GBP4: variants seen among roughly 807,000 people sequenced by gnomAD.
The protein encoded by GBP4 is guanylate binding protein 4, also known as guanylate-binding protein 4.
GBP4 carries 69 observed loss-of-function variants against 62.2 expected under a neutral mutation model. That is an observed-to-expected ratio of 1.11 (90% CI 0.91 to 1.36). The LOEUF is 1.36. GBP4 is among the 40% of genes most tolerant of loss of function. The pLI, the probability that GBP4 is intolerant of heterozygous loss-of-function variation, is 0.00. For missense variants in GBP4, 697 were observed against 759.3 expected (o/e 0.92, Z 0.96); for synonymous variants, 278 against 274.6 (o/e 1.01, Z -0.12).
chr1:89,197,127 A>G lies in GBP4; in HGVS notation c.218T>C (p.Leu73Pro). ...RTGKSYLMNRLAGKRNGFPLG... is the reference protein window; with the variant it reads ...RTGKSYLMNRPAGKRNGFPLG... ...ACACTCACCATTGCGCTTTCCTGCAAGACGATTCATGAGATAGGATTTTCC... is the reference window on the plus strand; with the variant it reads ...ACACTCACCATTGCGCTTTCCTGCAGGACGATTCATGAGATAGGATTTTCC... The change falls in exon 2 of 11, where the codon CTT (leucine) becomes CCT (proline). Residue 73 changes from leucine to proline, a missense_variant. Transcript: ENST00000355754. 1 of 1,613,118 alleles carries G rather than the reference A, an allele frequency of 6.2e-7. No homozygotes were observed. The highest frequency in any genetic ancestry group is 8.5e-7 in the Non-Finnish European group (1 of 1,179,358).
rs763765320 is a variant in GBP4 at position 89,188,681 on chromosome 1, CA to C, written c.1310del (p.Leu437Ter). ...RLSEHLTESILRGIFSVPGGH... is the reference protein window; with the variant it reads ...RLSEHLTESIXRGIFSVPGGH... Reference sequence around the variant, plus strand: ...CTCCAGGAACAGAGAAAATTCCTCTCAAAATGCTTTCTGTCAGGTGCTCTGA... The same window carrying C: ...CTCCAGGAACAGAGAAAATTCCTCTCAAATGCTTTCTGTCAGGTGCTCTGA... On this transcript the variant is annotated frameshift_variant, in exon 8 of 11. Transcript: ENST00000355754. LOFTEE classifies it high-confidence loss of function. 1.2e-5 allele frequency: 19 copies of C among 1,614,204 alleles called. No homozygotes were observed. The highest frequency in any genetic ancestry group is 1.5e-5 in the Non-Finnish European group (18 of 1,180,042).
chr1:89,197,360 G>A, intron 1 of GBP4, 56 bp from the exon 2 acceptor site: 1 of 1,491,794 alleles, frequency 6.7e-7, no homozygotes, highest in Non-Finnish European at 9.2e-7. Flanking sequence ...TCATCCCTAA[G>A]GGCTACCTAA....
At chr1:89,193,974 G>A (rs1648260366) in intron 3 of GBP4, among the ~76,000 whole-genome samples, 1 of 152,170 alleles carries the variant, frequency 6.6e-6, no homozygotes, top group Non-Finnish European at 1.5e-5. Context: ...GGGAGGGGGA[G>A]GCACATAAAT....
rs144333151 is a variant in GBP4, at chr1:89,193,377, C to T, written c.399G>A (p.Leu133=). The change falls in exon 4 of 11, where the codon CTG becomes CTA. Residue 133 remains leucine (L), a synonymous_variant. Coordinates refer to ENST00000355754, the MANE Select transcript of GBP4 (RefSeq NM_052941.5). ...CAAAGCTGCTGCTTAGAAGCACAGC[C>T]AGGGCAAAGATCCACGAGTCATTCT... is the stretch of plus-strand genomic sequence containing the variant. The part of the protein sequence containing the change: ...NPKNDSWIFA[L]AVLLSSSFVY... The T allele has an allele frequency of 8.4e-5, 135 of 1,614,074 alleles. No individual in the cohort carries two copies. The African/African-American group carries it at 1.6e-3, about 19-fold the overall frequency.
chr1:89,183,803 C>T lies in GBP4; in HGVS notation c.*1451G>A, dbSNP rs1647956022. ...GTTGAGGTGAAAGGACTGCTTGAGC[C>T]TGGGAGGTTGAGGCTACAATGACCC... is the stretch of plus-strand genomic sequence containing the variant. On this transcript the variant is annotated 3_prime_UTR_variant, in exon 11 of 11. Coordinates refer to ENST00000355754, the MANE Select transcript of GBP4 (RefSeq NM_052941.5). The T allele has an allele frequency of 6.6e-6, 1 of 152,262 alleles. No individual in the cohort carries two copies. Among genetic ancestry groups the T allele is most frequent in the South Asian group, 2.1e-4 (1 of 4,830 alleles). The allele number at this position is 152,262 out of a possible 1,614,324, so 9.4% of individuals were successfully genotyped here.
chr1:89,191,599 TC>T, intron 5 of GBP4, 93 bp from the exon 6 acceptor site: 1 of 1,233,862 alleles, frequency 8.1e-7, no homozygotes, highest in Non-Finnish European at 1.1e-6. Context: ...TCCCTGCAGC[TC>T]CCCTGCCTTG....
chr1:89,190,373 G>C lies in GBP4; in HGVS notation c.917-55C>G, dbSNP rs560707763. On this transcript the variant is annotated intron_variant, in intron 6 of 10. Coordinates refer to ENST00000355754, the MANE Select transcript of GBP4 (RefSeq NM_052941.5). ...CAGTTCTTACTCATTATTTATACAA[G>C]TTTTAAGAGTCAGCATTCTAAAAAT... 77 of 1,435,668 alleles carry C rather than the reference G, an allele frequency of 5.4e-5. 1 individual carries two copies. The South Asian group carries it at 5.7e-4, about 11-fold the overall frequency. The allele number at this position is 1,435,668 out of a possible 1,614,324, so 88.9% of individuals were successfully genotyped here.
At chr1:89,194,757 T>C (rs1174753730) in intron 3 of GBP4, among the ~76,000 whole-genome samples, 1 of 152,192 alleles carries the variant, frequency 6.6e-6, no homozygotes, top group African/African-American at 2.4e-5. Context: ...AAAATGTTAG[T>C]GATAAAATTA....
chr1:89,185,667 A>G (rs1173240411), intron 10 of GBP4, among the ~76,000 whole-genome samples, 198 bp from the exon 11 acceptor site: 1 of 152,232 alleles, frequency 6.6e-6, no homozygotes. Flanking sequence ...CTTTTGTGAC[A>G]TTCCCTAAGC....
rs1647969406 is a variant in GBP4, at chr1:89,184,299, A to G, written c.*955T>C. On this transcript the variant is annotated 3_prime_UTR_variant, in exon 11 of 11. Coordinates refer to ENST00000355754, the MANE Select transcript of GBP4 (RefSeq NM_052941.5). The stretch of plus-strand genomic sequence containing the variant: ...AAGCAGGTTGGTGATTCCTCAAAGA[A>G]CTCAGAATTACCATTCAACTCAGCA... 1 of 152,152 alleles carries G rather than the reference A, an allele frequency of 6.6e-6. No individual in the cohort carries two copies. Among genetic ancestry groups the G allele is most frequent in the Admixed American group, 6.5e-5 (1 of 15,280 alleles). 9.4% of individuals were successfully genotyped at this position (152,152 alleles called of 1,614,324 possible).
chr1:89,188,478 G>T (rs1312166615), intron 8 of GBP4, 104 bp downstream of exon 8: 2 of 893,172 alleles, frequency 2.2e-6, no homozygotes, highest in Non-Finnish European at 3.6e-6. Flanking sequence ...ATCATGTTCT[G>T]CTTCCTCTCC....
At chr1:89,191,643 C>T (rs1212818962) in intron 5 of GBP4, 137 bp from the exon 6 acceptor site, 1 of 865,800 alleles carries the variant, frequency 1.2e-6, no homozygotes, top group African/African-American at 1.7e-5. Context: ...TACAAAACAG[C>T]CTTGTGCTAA....
At position 89,186,338 on chromosome 1, in the gene GBP4, G is replaced by A. The variant is rs1035583714; in HGVS notation, c.1702C>T (p.Leu568=). 2.5e-6 allele frequency: 4 copies of A among 1,612,652 alleles called. No homozygotes were observed. In the African/African-American group the frequency reaches 5.3e-5, roughly 22 times the overall value. Reference sequence around the variant, plus strand: ...CATTCTTCACGGAGACTCACCTTCAGCTTGTGTTTTAGCAGCCTTTCATGC... The same window carrying A: ...CATTCTTCACGGAGACTCACCTTCAACTTGTGTTTTAGCAGCCTTTCATGC... ...REHERLLKHK[L]KVQEEMLKEE... is the part of the protein sequence containing the mutation. The change falls in exon 10 of 11, where the codon CTG becomes TTG. Residue 568 remains leucine, a synonymous_variant. Transcript: ENST00000355754.
At chr1:89,194,779 A>C (rs1484967607) in intron 3 of GBP4, among the ~76,000 whole-genome samples, 6 of 152,210 alleles carry the variant, frequency 3.9e-5, no homozygotes, top group Admixed American at 3.3e-4. Flanking sequence ...TGCTTTTCTG[A>C]AAACTACTGA....
In GBP4 at chr1:89,183,730, A is replaced by T. The variant is rs1647953977; in HGVS notation, c.*1524T>A. 2 of 152,158 alleles carry T rather than the reference A, an allele frequency of 1.3e-5. No individual in the cohort carries two copies. The highest frequency in any genetic ancestry group is 4.1e-4 in the South Asian group (2 of 4,832). 9.4% of individuals were successfully genotyped at this position (152,158 alleles called of 1,614,324 possible). A position where few individuals can be genotyped will look rare whatever the true frequency, so the allele number is the denominator to read the frequency against. ...ACATCTCTACAAACAAATACAAAAA[A>T]TTAACTGGTCTTGGGTGTAAGCACC... is the stretch of plus-strand genomic sequence containing the variant. On this transcript the variant is annotated 3_prime_UTR_variant, in exon 11 of 11. Coordinates refer to ENST00000355754, the MANE Select transcript of GBP4 (RefSeq NM_052941.5).
chr1:89,191,523 A>C lies in GBP4; in HGVS notation c.671-17T>G, dbSNP rs1306390191. On this transcript the variant is annotated splice_polypyrimidine_tract_variant and intron_variant, in intron 5 of 10. Transcript: ENST00000355754. ...GATTCTTGCCTGTGGAATTGTAAAAAAGAGGGCTCATTGAAGAGACAGCCT... is the reference window on the plus strand; with the variant it reads ...GATTCTTGCCTGTGGAATTGTAAAACAGAGGGCTCATTGAAGAGACAGCCT... 6.2e-7 allele frequency: 1 copy of C among 1,606,808 alleles called. No individual in the cohort carries two copies. Among genetic ancestry groups the C allele is most frequent in the Non-Finnish European group, 8.5e-7 (1 of 1,175,078 alleles).
At chr1:89,190,745 G>T (rs1441387292) in intron 6 of GBP4, among the ~76,000 whole-genome samples, 2 of 151,836 alleles carry the variant, frequency 1.3e-5, no homozygotes, top group African/African-American at 2.4e-5. Flanking sequence ...TTGGAGACAA[G>T]AAATTTTTAT....
rs747437518 is a variant in GBP4 at position 89,193,348 on chromosome 1, T to C, written c.428A>G (p.Tyr143Cys). The change falls in exon 4 of 11, where the codon TAT becomes TGT. Residue 143 changes from tyrosine (Y) to cysteine (C), a missense_variant. This residue lies in a region of GBP4 where 556 missense variants were observed against 562.7 expected (regional missense o/e 0.99). Transcript: ENST00000355754. ...GTGGTTGATGGTGCTCACGCTGTTA[T>C]AGACAAAGCTGCTGCTTAGAAGCAC... ...LAVLLSSSFV[Y>C]NSVSTINHQA... 3.7e-6 allele frequency: 6 copies of C among 1,614,188 alleles called. No individual in the cohort carries two copies. The highest frequency in any genetic ancestry group is 1.7e-5 in the Admixed American group (1 of 60,020).
chr1:89,190,004 G>A, intron 7 of GBP4, 34 bp downstream of exon 7: 1 of 1,574,504 alleles, frequency 6.4e-7, no homozygotes. Context: ...ATTTCGGAAG[G>A]GCAGAAATCA....
Sources: allele counts gnomAD v4.1 joint callset (sites outside exome capture counted in the v4.1 genomes callset), GRCh38; gene constraint gnomAD v4.1.1; regional missense constraint gnomAD v4.1.1; transcripts MANE v1.5; gene names NCBI Gene and HGNC (gene_info 2026-07-23, HGNC 2026-07-21).